Variants in KCNK2 observed in about 807,000 individuals in gnomAD.
The protein encoded by KCNK2 is potassium two pore domain channel subfamily K member 2, also known as potassium channel subfamily K member 2.
A neutral mutation model predicts 40.5 loss-of-function variants in KCNK2; 21 were observed. That is an observed-to-expected ratio of 0.52 (90% confidence interval 0.37 to 0.75). KCNK2 has a LOEUF of 0.75. Among genes scored for constraint, KCNK2 ranks in the 30% least tolerant of loss-of-function variants. The pLI, the probability that KCNK2 is intolerant of heterozygous loss-of-function variation, is 0.00. For synonymous variants in KCNK2, 191 were observed against 202.2 expected (o/e 0.94, Z 0.47); for missense variants, 399 against 531.6 (o/e 0.75, Z 2.45).
chr1:215,195,492 T>C lies in KCNK2; in HGVS notation c.963+400T>C, dbSNP rs191732334. Among the ~76,000 whole-genome samples the C allele has an allele frequency of 6.2e-4, 95 of 152,202 alleles. 1 individual carries two copies. Among genetic ancestry groups the C allele is most frequent in the African/African-American group, 2.0e-3 (84 of 41,558 alleles). On this transcript the variant is annotated intron_variant, in intron 6 of 6. Transcript: ENST00000444842. ...ATGAAATAGTGGATGTTTTAAATAA[T>C]GTGGAAGGCTTTTTACCTTTAACTT...
intron 3 of KCNK2, among the ~76,000 whole-genome samples, chr1:215,131,106 C>T (rs1571647211): frequency 6.6e-6 from 1 of 150,920 alleles, no homozygotes. Flanking sequence ...GTGATCCGCC[C>T]GCCTCGGCCT....
At chr1:215,131,278 A>G (rs1463291541) in intron 3 of KCNK2, among the ~76,000 whole-genome samples, 2 of 150,284 alleles carry the variant, frequency 1.3e-5, no homozygotes, top group East Asian at 3.9e-4. Flanking sequence ...AAAGATTAGA[A>G]TAAAATGTAA....
chr1:215,081,569 A>C (rs2363559), upstream of KCNK2, among the ~76,000 whole-genome samples: 113,582 of 151,710 alleles, frequency 0.75, 42,994 homozygotes, highest in Non-Finnish European at 0.77. Flanking sequence ...ACAGTTTTGC[A>C]AAAGATTTAC....
chr1:215,235,081 A>C lies in KCNK2; in HGVS notation c.1217A>C (p.Tyr406Ser), dbSNP rs1487210613. ...CCCTTACTGAAGACTGAGAGTATCT[A>C]TCTGAATGGTTTGACGCCACACTGT... ...LPPLLKTESI[Y>S]LNGLTPHCAG... is the part of the protein sequence containing the mutation. The change falls in exon 7 of 7, where the codon TAT becomes TCT. Residue 406 changes from tyrosine (Y) to serine (S), a missense_variant. Physicochemically the swap from Tyr to Ser is moderately radical, Grantham distance 144. Around this residue, in one of 3 missense-constraint regions of KCNK2, gnomAD observed 103 missense variants for 124.3 expected, o/e 0.83. Coordinates refer to ENST00000444842, the MANE Select transcript of KCNK2 (RefSeq NM_001017425.3). 1 of 1,612,528 alleles carries C rather than the reference A, an allele frequency of 6.2e-7. No homozygotes were observed.
chr1:215,082,063 A>C (rs1659178743), upstream of KCNK2: 1 of 152,162 alleles, frequency 6.6e-6, no homozygotes, highest in Admixed American at 6.6e-5. Flanking sequence ...TTTCCAGCAA[A>C]GGGGTCTTGC....
intron 2 of KCNK2, among the ~76,000 whole-genome samples, chr1:215,089,800 T>C (rs1659612334): frequency 1.3e-5 from 2 of 151,304 alleles, no homozygotes; most frequent in African/African-American, 2.4e-5. Flanking sequence ...GAAACATATA[T>C]GGCAAATTGT....
At position 215,083,214 on chromosome 1, in the gene KCNK2, G is replaced by GCCACCCCCCC; in HGVS notation, c.-171_-170insCACCCCCCCC. The GCCACCCCCCC allele has an allele frequency of 5.9e-6, 2 of 337,576 alleles. No individual in the cohort carries two copies. Among genetic ancestry groups the GCCACCCCCCC allele is most frequent in the Non-Finnish European group, 9.1e-6 (2 of 219,134 alleles). The allele number at this position is 337,576 out of a possible 1,614,324, so 20.9% of individuals were successfully genotyped here. A position where few individuals can be genotyped will look rare whatever the true frequency, so the allele number is the denominator to read the frequency against. ...CACGCTCCCCCCCCCGCCCCCTCCC[G>GCCACCCCCCC]CGTCCAGCCCCGCTCTCCCCACCTT... On this transcript the variant is annotated 5_prime_UTR_variant, in exon 1 of 7. Coordinates refer to ENST00000444842, the MANE Select transcript of KCNK2 (RefSeq NM_001017425.3).
intron 3 of KCNK2, among the ~76,000 whole-genome samples, chr1:215,143,009 T>G (rs1662251487): frequency 1.3e-5 from 2 of 152,098 alleles, no homozygotes; most frequent in African/African-American, 4.8e-5. Flanking sequence ...TTCTCATAAT[T>G]ATCTTTTTTG....
chr1:215,154,350 G>A (rs1280329513), intron 3 of KCNK2, among the ~76,000 whole-genome samples: 1 of 152,004 alleles, frequency 6.6e-6, no homozygotes, highest in Non-Finnish European at 1.5e-5. Flanking sequence ...GGTCAGTGAT[G>A]TTGAGCTTTT....
chr1:215,120,720 T>C (rs1443505305), intron 2 of KCNK2, among the ~76,000 whole-genome samples: 3 of 152,326 alleles, frequency 2.0e-5, no homozygotes, highest in Non-Finnish European at 4.4e-5. Context: ...AGCCTTGATA[T>C]ATATTTTTAA....
At chr1:215,228,017 G>A (rs1053619432) in intron 6 of KCNK2, among the ~76,000 whole-genome samples, 1 of 152,092 alleles carries the variant, frequency 6.6e-6, no homozygotes, top group African/African-American at 2.4e-5. Context: ...TGAGATGCCT[G>A]GGAGCCATCG....
At position 215,075,344 on chromosome 1, in the gene KCNK2, A is replaced by C. The variant is rs182416848; in HGVS notation, c.35-11024A>C. On this transcript the variant is annotated intron_variant, in intron 1 of 6. Coordinates refer to the KCNK2 transcript ENST00000391895. ...CAGCCAATTTTAATGAATTTTGTAA[A>C]GTTTTATGGTAAAGTAACATTTAAA... Among the ~76,000 whole-genome samples, 187 of 152,276 alleles carry C rather than the reference A, an allele frequency of 1.2e-3. 1 individual carries two copies. Among genetic ancestry groups the C allele is most frequent in the Admixed American group, 3.5e-3 (53 of 15,298 alleles).
At chr1:215,070,353 T>C (rs1489984580) in intron 1 of KCNK2, among the ~76,000 whole-genome samples, 3 of 145,566 alleles carry the variant, frequency 2.1e-5, no homozygotes, top group Non-Finnish European at 3.0e-5. Flanking sequence ...GAGGCGGAGC[T>C]TGCAGTGAGC....
chr1:215,134,462 G>A (rs990038925), intron 3 of KCNK2, among the ~76,000 whole-genome samples: 1 of 152,184 alleles, frequency 6.6e-6, no homozygotes. Context: ...GATGTAGGAA[G>A]GGGTGAGGAG....
At chr1:215,021,606 C>T (rs532261700) in intron 1 of KCNK2, among the ~76,000 whole-genome samples, 3 of 139,558 alleles carry the variant, frequency 2.1e-5, no homozygotes, top group Admixed American at 7.8e-5. Context: ...AGTGCAGTGG[C>T]GCGATCTCCG....
intron 1 of KCNK2, among the ~76,000 whole-genome samples, chr1:215,077,572 C>T (rs1016546587): frequency 6.6e-6 from 1 of 152,040 alleles, no homozygotes; most frequent in African/African-American, 2.4e-5. Flanking sequence ...GATGAGATTT[C>T]TTCTGCGATG....
chr1:215,111,769 T>C (rs1660693730), intron 2 of KCNK2, among the ~76,000 whole-genome samples: 1 of 151,820 alleles, frequency 6.6e-6, no homozygotes, highest in African/African-American at 2.4e-5. Flanking sequence ...TGTTCTTTAA[T>C]TGGGCCATGT....
At chr1:215,096,837 C>T (rs1457883119) in intron 2 of KCNK2, among the ~76,000 whole-genome samples, 8 of 151,946 alleles carry the variant, frequency 5.3e-5, no homozygotes, top group Non-Finnish European at 1.2e-4. Flanking sequence ...TCTGATTCCA[C>T]GATGTTCGGA....
At chr1:215,231,927 A>G (rs1666683356) in intron 6 of KCNK2, among the ~76,000 whole-genome samples, 1 of 152,126 alleles carries the variant, frequency 6.6e-6, no homozygotes, top group African/African-American at 2.4e-5. Context: ...AGACTAATTC[A>G]CTATCATGAG....
Sources: gnomAD v4.1 joint callset for allele counts (sites outside exome capture counted in the v4.1 genomes callset) on GRCh38, gnomAD v4.1.1 for gene constraint, gnomAD v4.1.1 regional missense constraint, MANE v1.5 for transcripts, NCBI Gene and HGNC (gene_info 2026-07-23, HGNC 2026-07-21) for gene names.